The following GNG12 variants were observed in gnomAD, a reference collection of about 807,000 sequenced individuals.
GNG12 encodes G protein subunit gamma 12, also known as guanine nucleotide-binding protein G(I)/G(S)/G(O) subunit gamma-12.
For missense variants in GNG12, 69 were observed against 83.8 expected (o/e 0.82, Z 0.69); for synonymous variants, 28 against 29.7 (o/e 0.94, Z 0.19).
intron 1 of GNG12, among the ~76,000 whole-genome samples, chr1:67,794,199 G>A (rs908685620): frequency 6.6e-6 from 1 of 152,170 alleles, no homozygotes; most frequent in Non-Finnish European, 1.5e-5. Context: ...ACCTAAGGTT[G>A]TCCATCCACC....
At chr1:67,824,925 A>C (rs148546206) in intron 1 of GNG12, among the ~76,000 whole-genome samples, 1 of 137,150 alleles carries the variant, frequency 7.3e-6, no homozygotes. Context: ...TATTACAGCC[A>C]TAGGAAGTCA....
intron 2 of GNG12, among the ~76,000 whole-genome samples, chr1:67,723,584 C>G (rs1394528103): frequency 6.6e-6 from 1 of 152,152 alleles, no homozygotes; most frequent in African/African-American, 2.4e-5. Context: ...ATACCACTTA[C>G]ACTTGCCAAG....
At chr1:67,733,866 G>A (rs903862630) in intron 2 of GNG12, among the ~76,000 whole-genome samples, 1 of 152,176 alleles carries the variant, frequency 6.6e-6, no homozygotes, top group Non-Finnish European at 1.5e-5. Flanking sequence ...CCCAGAAGAT[G>A]AGCCTGCAGA....
chr1:67,817,734 G>C, intron 1 of GNG12, among the ~76,000 whole-genome samples: 1 of 151,314 alleles, frequency 6.6e-6, no homozygotes. Context: ...GTTGGTGTTT[G>C]GTGTCTGGTG....
intron 1 of GNG12, among the ~76,000 whole-genome samples, chr1:67,812,932 G>A (rs1646933971): frequency 6.6e-6 from 1 of 152,198 alleles, no homozygotes; most frequent in South Asian, 2.1e-4. Flanking sequence ...GGAATGGGCA[G>A]CTGGAATCAG....
intron 1 of GNG12, among the ~76,000 whole-genome samples, chr1:67,805,588 A>C (rs998092624): frequency 6.6e-6 from 1 of 152,194 alleles, no homozygotes; most frequent in African/African-American, 2.4e-5. Context: ...TGAAGATATG[A>C]CAACAGAAAC....
At chr1:67,809,901 A>G (rs185214492) in intron 1 of GNG12, among the ~76,000 whole-genome samples, 34 of 152,328 alleles carry the variant, frequency 2.2e-4, no homozygotes, top group Non-Finnish European at 4.3e-4. Flanking sequence ...TAACCATATA[A>G]TCCAGTAATC....
chr1:67,814,782 G>T (rs1339082218), intron 1 of GNG12, among the ~76,000 whole-genome samples: 1 of 152,190 alleles, frequency 6.6e-6, no homozygotes, highest in Non-Finnish European at 1.5e-5. Flanking sequence ...AGTCCTAGGG[G>T]TAGTGTACTC....
At chr1:67,748,520 G>A (rs1646519815) in intron 2 of GNG12, among the ~76,000 whole-genome samples, 1 of 152,186 alleles carries the variant, frequency 6.6e-6, no homozygotes, top group South Asian at 2.1e-4. Flanking sequence ...TCGTGCTTGG[G>A]GGGATAAGAA....
At chr1:67,789,502 C>G (rs932960608) in intron 1 of GNG12, among the ~76,000 whole-genome samples, 2 of 152,022 alleles carry the variant, frequency 1.3e-5, no homozygotes, top group African/African-American at 2.4e-5. Flanking sequence ...CTAAAAGTTC[C>G]GGTTTTATTG....
At chr1:67,811,189 T>C (rs1249891994) in intron 1 of GNG12, among the ~76,000 whole-genome samples, 1 of 152,170 alleles carries the variant, frequency 6.6e-6, no homozygotes, top group Non-Finnish European at 1.5e-5. Context: ...AGCAGAGGAA[T>C]CCTTTCTTCA....
intron 2 of GNG12, among the ~76,000 whole-genome samples, chr1:67,715,450 C>G (rs1005775242): frequency 1.3e-5 from 2 of 152,160 alleles, no homozygotes; most frequent in Non-Finnish European, 2.9e-5. Flanking sequence ...CGTTTAGGAG[C>G]GATCTGGCAG....
At chr1:67,738,753 C>T (rs1401246759) in intron 2 of GNG12, among the ~76,000 whole-genome samples, 1 of 152,196 alleles carries the variant, frequency 6.6e-6, no homozygotes, top group Non-Finnish European at 1.5e-5. Flanking sequence ...TGGCATGTGC[C>T]TGTGGTCTTA....
intron 2 of GNG12, among the ~76,000 whole-genome samples, chr1:67,755,148 A>G (rs1201730735): frequency 1.3e-5 from 2 of 152,252 alleles, no homozygotes; most frequent in Non-Finnish European, 2.9e-5. Context: ...ACCTTTCTGT[A>G]CCTAGGAGGA....
intron 2 of GNG12, among the ~76,000 whole-genome samples, chr1:67,770,654 C>A (rs1171468021): frequency 6.6e-6 from 1 of 152,096 alleles, no homozygotes; most frequent in Non-Finnish European, 1.5e-5. Flanking sequence ...TCCCGGGGGG[C>A]CCAGAGCAAG....
At chr1:67,729,165 T>G (rs1186830424) in intron 2 of GNG12, among the ~76,000 whole-genome samples, 1 of 152,104 alleles carries the variant, frequency 6.6e-6, no homozygotes, top group Non-Finnish European at 1.5e-5. Context: ...CTCAACTCAG[T>G]TGTCCTTGAA....
At position 67,771,018 on chromosome 1, in the gene GNG12, A is replaced by G. The variant is rs568750523; in HGVS notation, c.-27+6440T>C. On this transcript the variant is annotated intron_variant, in intron 2 of 3. Coordinates refer to ENST00000370982, the MANE Select transcript of GNG12 (RefSeq NM_018841.6). ...GTGAGTGAGAGACAGAGATACAGAG[A>G]GAGAGAGAGAGAGGCAGGCTGACTT... is the stretch of plus-strand genomic sequence containing the variant. Among the ~76,000 whole-genome samples the G allele has an allele frequency of 1.1e-4, 17 of 152,198 alleles. No homozygotes were observed. The South Asian group carries it at 3.3e-3, about 30-fold the overall frequency.
chr1:67,786,084 A>T (rs183780266), intron 1 of GNG12, among the ~76,000 whole-genome samples: 103 of 152,334 alleles, frequency 6.8e-4, no homozygotes, highest in Non-Finnish European at 1.6e-4. Context: ...TCTGGATCAA[A>T]TTATGAAATG....
chr1:67,772,840 C>G (rs915134414), intron 2 of GNG12, among the ~76,000 whole-genome samples: 9 of 152,212 alleles, frequency 5.9e-5, no homozygotes, highest in African/African-American at 1.7e-4. Context: ...GTACTCACTA[C>G]TGCTAGAAGT....
Sources: allele counts gnomAD v4.1 joint callset (sites outside exome capture counted in the v4.1 genomes callset), GRCh38; gene constraint gnomAD v4.1.1; transcripts MANE v1.5; gene names NCBI Gene and HGNC (gene_info 2026-07-23, HGNC 2026-07-21).